The following ATRX variants were observed in gnomAD, a reference collection of about 807,000 sequenced individuals.
ATRX encodes chromatin remodeler ATRX.
In ATRX, 12 loss-of-function variants were observed where a neutral mutation model predicts 172.6. The ratio of observed to expected loss-of-function variants is 0.07; its 90% CI spans 0.04 to 0.11. The LOEUF is 0.11. Ranked by LOEUF, ATRX falls within the 10% of genes least tolerant of loss-of-function variation. The pLI, the probability that ATRX is intolerant of heterozygous loss-of-function variation, is 1.00. For synonymous variants in ATRX, 674 were observed against 594.7 expected, an observed-to-expected ratio of 1.13 and a Z score of -1.94; for missense variants, 1,368 against 1,767.4, an observed-to-expected ratio of 0.77 and a Z score of 4.05.
intron 30 of ATRX, among the ~76,000 whole-genome samples, chrX:77,538,421 C>T (rs782105408): frequency 9.0e-6 from 1 of 110,803 alleles, no homozygotes; most frequent in South Asian, 3.8e-4. Flanking sequence ...AAACAATGTG[C>T]ACACAGGGAC....
intron 13 of ATRX, among the ~76,000 whole-genome samples, chrX:77,655,693 C>A (rs2069508500): frequency 9.5e-6 from 1 of 105,454 alleles, no homozygotes; most frequent in Non-Finnish European, 1.9e-5. Flanking sequence ...TGAATTGTAT[C>A]TTGGTTTAAA....
At chrX:77,746,353 T>C (rs891014010) in intron 1 of ATRX, among the ~76,000 whole-genome samples, 2 of 111,468 alleles carry the variant, frequency 1.8e-5, no homozygotes, top group Non-Finnish European at 3.8e-5. Flanking sequence ...TGTTTAGAAA[T>C]GAAGCATAAA....
intron 1 of ATRX, among the ~76,000 whole-genome samples, chrX:77,725,033 G>C (rs5913083): frequency 0.04 from 4,427 of 111,610 alleles, 138 homozygotes; most frequent in African/African-American, 0.11. Flanking sequence ...ATCCAGACAT[G>C]GTTGTTACTC....
intron 19 of ATRX, among the ~76,000 whole-genome samples, chrX:77,630,931 A>G (rs2068079418): frequency 8.9e-6 from 1 of 111,865 alleles, no homozygotes; most frequent in Admixed American, 9.5e-5. Flanking sequence ...GATATAAAAA[A>G]GTAAAAAGAC....
intron 2 of ATRX, among the ~76,000 whole-genome samples, chrX:77,699,071 A>T (rs1406875501): frequency 9.0e-6 from 1 of 111,396 alleles, no homozygotes; most frequent in Non-Finnish European, 1.9e-5. Context: ...AAACTAATGA[A>T]ATAGGAAATA....
intron 6 of ATRX, among the ~76,000 whole-genome samples, chrX:77,691,814 T>G (rs2071905658): frequency 8.9e-6 from 1 of 111,977 alleles, no homozygotes. Flanking sequence ...TATCTATATA[T>G]GTGTATATAA....
chrX:77,744,207 C>T lies in ATRX; in HGVS notation c.21-26964G>A, dbSNP rs2074981090. ...TGGCACACGCCTGTAGTCCTAGGTACTCAGGAGGCTGAGGCAGAAGGATCA... is the reference window on the plus strand; with the variant it reads ...TGGCACACGCCTGTAGTCCTAGGTATTCAGGAGGCTGAGGCAGAAGGATCA... On this transcript the variant is annotated intron_variant, in intron 1 of 34. Transcript: ENST00000373344. 2.7e-5 allele frequency among the ~76,000 whole-genome samples: 3 copies of T among 112,127 alleles called. No individual in the cohort carries two copies. The South Asian group carries it at 1.1e-3, about 41-fold the overall frequency.
chrX:77,521,357 G>T, intron 33 of ATRX, 46 bp downstream of exon 33: 1 of 1,017,309 alleles, frequency 9.8e-7, no homozygotes, highest in Non-Finnish European at 1.4e-6. Flanking sequence ...AGGGGGTGGA[G>T]GGTACAAATT....
chrX:77,636,238 G>A (rs1411230864), intron 15 of ATRX, among the ~76,000 whole-genome samples, 182 bp from the exon 16 acceptor site: 1 of 112,038 alleles, frequency 8.9e-6, no homozygotes, highest in Non-Finnish European at 1.9e-5. Flanking sequence ...CAATGTTGGA[G>A]GTGGGGCCTG....
intron 22 of ATRX, among the ~76,000 whole-genome samples, chrX:77,605,874 G>A (rs1021556445): frequency 1.8e-5 from 2 of 111,268 alleles, no homozygotes; most frequent in African/African-American, 6.5e-5. Flanking sequence ...AAAAAAAAGA[G>A]AGAATACCCA....
intron 1 of ATRX, among the ~76,000 whole-genome samples, chrX:77,740,085 A>C (rs2074792431): frequency 9.3e-6 from 1 of 107,310 alleles, no homozygotes; most frequent in African/African-American, 3.3e-5. Flanking sequence ...AAATTTTTAA[A>C]AAAAGAAACA....
chrX:77,660,849 A>T (rs2069847809), intron 12 of ATRX, among the ~76,000 whole-genome samples: 1 of 111,175 alleles, frequency 9.0e-6, no homozygotes. Context: ...TATTTCTGTG[A>T]TATTGTACAT....
rs1260145428 is a variant in ATRX at position 77,633,674 on chromosome X, T to C, written c.4848A>G (p.Lys1616=). ...SFLHTVLLCD[K]LDFSTALVVC... is the part of the protein sequence containing the mutation. ...CCACTAACGCCGTGCTGAAATCCAGTTTGTCACACAAAAGAACTGTATGAA... is the reference window on the plus strand; with the variant it reads ...CCACTAACGCCGTGCTGAAATCCAGCTTGTCACACAAAAGAACTGTATGAA... Residue 1616 remains lysine, a synonymous_variant, in exon 18 of 35, where the codon AAA becomes AAG. Coordinates refer to ENST00000373344, the MANE Select transcript of ATRX (RefSeq NM_000489.6). The C allele has an allele frequency of 1.7e-6, 2 of 1,208,696 alleles. No individual in the cohort carries two copies. Among genetic ancestry groups the C allele is most frequent in the Non-Finnish European group, 2.2e-6 (2 of 894,448 alleles).
intron 10 of ATRX, among the ~76,000 whole-genome samples, chrX:77,671,608 G>C (rs1165900946): frequency 4.6e-5 from 5 of 109,620 alleles, no homozygotes; most frequent in Admixed American, 9.8e-5. Context: ...TAAATAACTA[G>C]TTCAATATTT....
chrX:77,550,221 T>A (rs1382593826), intron 30 of ATRX, among the ~76,000 whole-genome samples: 1 of 111,401 alleles, frequency 9.0e-6, no homozygotes, highest in Non-Finnish European at 1.9e-5. Context: ...TAAAGACAAC[T>A]AGAATTTCAA....
chrX:77,754,981 A>T (rs1254894617), intron 1 of ATRX, among the ~76,000 whole-genome samples: 1 of 112,008 alleles, frequency 8.9e-6, no homozygotes, highest in African/African-American at 3.2e-5. Flanking sequence ...AATCAATCAT[A>T]GGTTTGGTCT....
rs782122435 is a variant in ATRX at position 77,775,710 on chromosome X, T to C, written c.20+10272A>G. 3.0e-4 allele frequency among the ~76,000 whole-genome samples: 25 copies of C among 84,127 alleles called. 1 individual carries two copies. The East Asian group carries it at 5.5e-3, about 18-fold the overall frequency. The allele number at this position is 84,127 out of a possible 115,157, so 73.1% of individuals were successfully genotyped here. A position where few individuals can be genotyped will look rare whatever the true frequency, so the allele number is the denominator to read the frequency against. On this transcript the variant is annotated intron_variant, in intron 1 of 34. Coordinates refer to ENST00000373344, the MANE Select transcript of ATRX (RefSeq NM_000489.6). The stretch of plus-strand genomic sequence containing the variant: ...AGAAAAAAACAAAAATTAAAAACAA[T>C]AATTCTTTATTTATTTATTTATTTA...
At chrX:77,540,173 C>T (rs1557050183) in intron 30 of ATRX, among the ~76,000 whole-genome samples, 1 of 111,111 alleles carries the variant, frequency 9.0e-6, no homozygotes, top group African/African-American at 3.3e-5. Flanking sequence ...ATGCTAATCT[C>T]GGATAAAACA....
rs782490070 is a variant in ATRX, at chrX:77,520,805, A to G, written c.7183T>C (p.Leu2395=). Residue 2395 remains leucine (L), a synonymous_variant, in exon 34 of 35, where the codon TTG becomes CTG. Coordinates refer to ENST00000373344, the MANE Select transcript of ATRX (RefSeq NM_000489.6). ...KRREAIYNDV[L]TKQQMLISCV... Reference sequence around the variant, plus strand: ...ATTCTTACCATCTGTTGTTTTGTCAATACATCATTGTAGATTGCTTCTCTT... The same window carrying G: ...ATTCTTACCATCTGTTGTTTTGTCAGTACATCATTGTAGATTGCTTCTCTT... 2.5e-6 allele frequency: 3 copies of G among 1,209,996 alleles called. No homozygotes were observed. The Admixed American group carries it at 6.5e-5, about 26-fold the overall frequency.
Sources: gnomAD v4.1 joint callset for allele counts (sites outside exome capture counted in the v4.1 genomes callset) on GRCh38, gnomAD v4.1.1 for gene constraint, MANE v1.5 for transcripts, NCBI Gene and HGNC (gene_info 2026-07-23, HGNC 2026-07-21) for gene names.